The following VSTM2A variants were observed in gnomAD, a reference collection of about 807,000 sequenced individuals.
The protein encoded by VSTM2A is V-set and transmembrane domain-containing protein 2A.
VSTM2A carries 13 observed loss-of-function variants against 27.3 expected under a neutral mutation model. That is an observed-to-expected ratio of 0.48 (90% CI 0.31 to 0.76). The LOEUF (loss-of-function observed/expected upper bound fraction) is 0.76, where lower values mean the gene tolerates loss of function less well. Ranked by LOEUF, VSTM2A falls within the 30% of genes least tolerant of loss-of-function variation. VSTM2A has a pLI of 0.05. For missense variants in VSTM2A, 280 were observed against 310.0 expected (o/e 0.90, Z 0.73); for synonymous variants, 142 against 125.7 (o/e 1.13, Z -0.87).
intron 4 of VSTM2A, chr7:54,557,260 G>C (rs1409828830): frequency 1.3e-5 from 2 of 152,166 alleles, no homozygotes; most frequent in East Asian, 3.9e-4. Flanking sequence ...AAAGAGGAAG[G>C]CTGCTTCACA....
intron 2 of VSTM2A, chr7:54,546,666 CGGCAGGGACAG>C (rs1787997333): frequency 2.7e-6 from 1 of 372,206 alleles, no homozygotes; most frequent in Non-Finnish European, 4.8e-6. Flanking sequence ...AGCATCCGCG[CGGCAGGGACAG>C]CGCCGGGACA....
chr7:54,544,075 C>A (rs1787866466), intron 1 of VSTM2A, among the ~76,000 whole-genome samples: 1 of 152,206 alleles, frequency 6.6e-6, no homozygotes, highest in South Asian at 2.1e-4. Context: ...GAAACATATA[C>A]AGTTTATAAA....
At chr7:54,546,541 C>T (rs1261736954) in intron 2 of VSTM2A, 1 of 158,756 alleles carries the variant, frequency 6.3e-6, no homozygotes, top group African/African-American at 2.9e-5. Context: ...CGCCCGCCCG[C>T]CTCACCCCTG....
At position 54,569,796 on chromosome 7, in the gene VSTM2A, T is replaced by A. The variant is rs962308736; in HGVS notation, c.*577T>A. ...GTTCTATATTTCAGTGTATTTTAAT[T>A]CATTTTGCAATTCCTGTGTATGCAA... On this transcript the variant is annotated 3_prime_UTR_variant, in exon 5 of 5. Transcript: ENST00000402613. 10 of 152,514 alleles carry A rather than the reference T, an allele frequency of 6.6e-5. No homozygotes were observed. The highest frequency in any genetic ancestry group is 2.4e-4 in the African/African-American group (10 of 41,448). The allele number at this position is 152,514 out of a possible 1,614,324, so 9.4% of individuals were successfully genotyped here.
intron 4 of VSTM2A, among the ~76,000 whole-genome samples, chr7:54,554,521 C>T (rs1382837264): frequency 6.6e-6 from 1 of 152,220 alleles, no homozygotes; most frequent in Non-Finnish European, 1.5e-5. Flanking sequence ...TGTCTGCACA[C>T]TTGTCTCCAT....
intron 4 of VSTM2A, among the ~76,000 whole-genome samples, chr7:54,555,480 A>G (rs1440039914): frequency 6.6e-6 from 1 of 152,066 alleles, no homozygotes; most frequent in African/African-American, 2.4e-5. Flanking sequence ...GTCTTTTCCT[A>G]TTTGCTGAGT....
At position 54,569,265 on chromosome 7, in the gene VSTM2A, G is replaced by T; in HGVS notation, c.*46G>T. The T allele has an allele frequency of 1.9e-6, 3 of 1,548,276 alleles. No individual in the cohort carries two copies. Among genetic ancestry groups the T allele is most frequent in the Non-Finnish European group, 2.6e-6 (3 of 1,145,696 alleles). ...TGCTTCCGGAAGCATAAATGAAGAGGCTATCACATGCTTTGTTGATCATAT... is the reference window on the plus strand; with the variant it reads ...TGCTTCCGGAAGCATAAATGAAGAGTCTATCACATGCTTTGTTGATCATAT... On this transcript the variant is annotated 3_prime_UTR_variant, in exon 5 of 5. Transcript: ENST00000402613.
rs1280975209 is a variant in VSTM2A at position 54,549,946 on chromosome 7, T to G, written c.410T>G (p.Leu137Arg). Residue 137 changes from leucine (L) to arginine (R), a missense_variant, in exon 4 of 5, where the codon CTT becomes CGT. Leu to Arg is a moderately radical substitution (Grantham distance 102). Transcript: ENST00000402613. ...CRVTDANYGE[L>R]QEHKAQAYLK... ...GTGACTGATGCCAACTACGGGGAGCTTCAGGAACACAAGGCCCAGGCCTAT... is the reference window on the plus strand; with the variant it reads ...GTGACTGATGCCAACTACGGGGAGCGTCAGGAACACAAGGCCCAGGCCTAT... The G allele has an allele frequency of 7.4e-6, 12 of 1,613,698 alleles. No homozygotes were observed. The highest frequency in any genetic ancestry group is 1.0e-5 in the Non-Finnish European group (12 of 1,179,792).
Position 54,570,080 on chromosome 7 carries a change from G to A in VSTM2A, c.*861G>A, listed in dbSNP as rs1788845042. On this transcript the variant is annotated 3_prime_UTR_variant, in exon 5 of 5. Transcript: ENST00000402613. Reference sequence around the variant, plus strand: ...CTGCAGATGGTCTCTATTGTCCTCTGCTTCATTCTGGAAAGTGCATATTCA... The same window carrying A: ...CTGCAGATGGTCTCTATTGTCCTCTACTTCATTCTGGAAAGTGCATATTCA... The A allele has an allele frequency of 6.6e-6, 1 of 152,090 alleles. No homozygotes were observed. The highest frequency in any genetic ancestry group is 6.5e-5 in the Admixed American group (1 of 15,270). The allele number at this position is 152,090 out of a possible 1,614,324, so 9.4% of individuals were successfully genotyped here.
intron 4 of VSTM2A, among the ~76,000 whole-genome samples, chr7:54,567,717 A>G (rs1788767769): frequency 6.6e-6 from 1 of 152,238 alleles, no homozygotes; most frequent in African/African-American, 2.4e-5. Flanking sequence ...GTGTGAAATC[A>G]AGTACTATTG....
intron 4 of VSTM2A, among the ~76,000 whole-genome samples, chr7:54,560,974 G>A (rs1047154190): frequency 3.9e-5 from 6 of 152,206 alleles, no homozygotes; most frequent in South Asian, 2.1e-4. Context: ...GAGCCTGTTC[G>A]TCAGCCTTGT....
At position 54,569,441 on chromosome 7, in the gene VSTM2A, G is replaced by A. The variant is rs922707006; in HGVS notation, c.*222G>A. The A allele has an allele frequency of 4.2e-6, 3 of 712,770 alleles. No individual in the cohort carries two copies. The highest frequency in any genetic ancestry group is 2.2e-6 in the Non-Finnish European group (1 of 454,514). 44.2% of individuals were successfully genotyped at this position (712,770 alleles called of 1,614,324 possible). A position where few individuals can be genotyped will look rare whatever the true frequency, so the allele number is the denominator to read the frequency against. ...CAAGGGTTGGCCTGAATGTCATCAG[G>A]ATAGGGAATATTTACTATGGATACC... On this transcript the variant is annotated 3_prime_UTR_variant, in exon 5 of 5. Transcript: ENST00000402613.
At chr7:54,543,530 C>A (rs1023250675) in intron 1 of VSTM2A, among the ~76,000 whole-genome samples, 16 of 150,610 alleles carry the variant, frequency 1.1e-4, no homozygotes, top group South Asian at 8.4e-4. Flanking sequence ...AATATAGTTT[C>A]ATTTCACTAG....
At chr7:54,550,775 A>G (rs1788164788) in intron 4 of VSTM2A, 1 of 153,622 alleles carries the variant, frequency 6.5e-6, no homozygotes, top group Non-Finnish European at 1.5e-5. Context: ...GCTTAGTCAC[A>G]GGATTCTGAA....
intron 2 of VSTM2A, among the ~76,000 whole-genome samples, chr7:54,546,511 G>T (rs1468741317): frequency 6.6e-6 from 1 of 151,198 alleles, no homozygotes; most frequent in Non-Finnish European, 1.5e-5. Flanking sequence ...CTTCACTCAC[G>T]CCGGCCGCCC....
At chr7:54,565,615 G>A (rs1195882448) in intron 4 of VSTM2A, among the ~76,000 whole-genome samples, 2 of 152,222 alleles carry the variant, frequency 1.3e-5, no homozygotes, top group East Asian at 1.9e-4. Flanking sequence ...GCAGTGACGC[G>A]GAAGCAGGCC....
intron 2 of VSTM2A, chr7:54,546,688 G>C (rs549153092): frequency 4.6e-6 from 2 of 430,394 alleles, no homozygotes; most frequent in Non-Finnish European, 4.2e-6. Flanking sequence ...CGCCGGGACA[G>C]CGCCGGGACA....
intron 4 of VSTM2A, among the ~76,000 whole-genome samples, chr7:54,567,234 C>T (rs981447782): frequency 6.6e-6 from 1 of 152,130 alleles, no homozygotes; most frequent in Admixed American, 6.5e-5. Flanking sequence ...TAAAAATATG[C>T]TAGTAAATGC....
intron 4 of VSTM2A, among the ~76,000 whole-genome samples, chr7:54,563,457 G>A (rs534006228): frequency 6.6e-6 from 1 of 152,182 alleles, no homozygotes; most frequent in Non-Finnish European, 1.5e-5. Flanking sequence ...CACAAAATCA[G>A]TTCTTGCTTG....
Sources: gnomAD v4.1 joint callset for allele counts (sites outside exome capture counted in the v4.1 genomes callset) on GRCh38, gnomAD v4.1.1 for gene constraint, MANE v1.5 for transcripts, NCBI Gene and HGNC (gene_info 2026-07-23, HGNC 2026-07-21) for gene names.